PLAC1: variants seen among roughly 807,000 people sequenced by gnomAD.
PLAC1 encodes the protein placenta-specific protein 1.
For synonymous variants in PLAC1, 68 were observed against 62.1 expected (o/e 1.09, Z -0.44); for missense variants, 136 against 163.2 (o/e 0.83, Z 0.91).
chrX:134,641,870 A>T (rs760919410), intron 1 of PLAC1, among the ~76,000 whole-genome samples: 1 of 112,376 alleles, frequency 8.9e-6, no homozygotes, highest in African/African-American at 3.2e-5. Context: ...CCTCCTGGAC[A>T]CAAGTAATAA....
intron 2 of PLAC1, among the ~76,000 whole-genome samples, 172 bp from the exon 3 acceptor site, chrX:134,566,912 G>A (rs1310135700): frequency 1.8e-5 from 2 of 112,423 alleles, no homozygotes; most frequent in South Asian, 7.3e-4. Context: ...GTTTATGGAC[G>A]ATTACAATGG....
chrX:134,637,590 G>A (rs1418157729), intron 1 of PLAC1, among the ~76,000 whole-genome samples: 2 of 111,858 alleles, frequency 1.8e-5, no homozygotes, highest in African/African-American at 6.5e-5. Flanking sequence ...GCTCATACCT[G>A]TAATCCCAGC....
intron 1 of PLAC1, among the ~76,000 whole-genome samples, chrX:134,746,101 A>C (rs899734648): frequency 2.7e-5 from 3 of 112,413 alleles, no homozygotes; most frequent in African/African-American, 9.7e-5. Flanking sequence ...AGGATAACAC[A>C]CATTGACATA....
chrX:134,749,095 T>C (rs2078735551), intron 1 of PLAC1, among the ~76,000 whole-genome samples: 1 of 111,597 alleles, frequency 9.0e-6, no homozygotes, highest in African/African-American at 3.3e-5. Context: ...GGCAGGAGGC[T>C]CACTTGAGCC....
intron 2 of PLAC1, among the ~76,000 whole-genome samples, chrX:134,725,772 C>T (rs1270261115): frequency 4.5e-5 from 5 of 111,677 alleles, no homozygotes; most frequent in African/African-American, 6.5e-5. Flanking sequence ...GTGGGCGGAT[C>T]GATCACCTGA....
intron 1 of PLAC1, among the ~76,000 whole-genome samples, chrX:134,617,894 A>C (rs2078192346): frequency 8.9e-6 from 1 of 112,188 alleles, no homozygotes; most frequent in African/African-American, 3.2e-5. Context: ...AAGTCCTTAA[A>C]ACTTCTGGAC....
rs369815244 is a variant in PLAC1, at chrX:134,597,125, T to C, written c.-59+4926A>G. 1.4e-4 allele frequency among the ~76,000 whole-genome samples: 16 copies of C among 111,518 alleles called. No individual in the cohort carries two copies. The South Asian group carries it at 6.1e-3, about 42-fold the overall frequency. ...TCCTCCTCTCATCCCAGGACTCCAA[T>C]GACATGAATGTTATATCTTTTGTAA... On this transcript the variant is annotated intron_variant, in intron 2 of 2. Coordinates refer to ENST00000359237, the MANE Select transcript of PLAC1 (RefSeq NM_021796.4).
upstream of PLAC1, among the ~76,000 whole-genome samples, chrX:134,661,130 A>C: frequency 9.0e-6 from 1 of 110,858 alleles, no homozygotes; most frequent in Non-Finnish European, 1.9e-5. Flanking sequence ...AGGGTGTTCT[A>C]CTTCTTTTTG....
At chrX:134,644,526 G>A (rs1217487887) in intron 1 of PLAC1, among the ~76,000 whole-genome samples, 1 of 110,026 alleles carries the variant, frequency 9.1e-6, no homozygotes, top group East Asian at 2.9e-4. Context: ...GTGGTTTGCT[G>A]CACCTATTAA....
intron 2 of PLAC1, among the ~76,000 whole-genome samples, chrX:134,731,629 G>A (rs2078689168): frequency 9.0e-6 from 1 of 111,656 alleles, no homozygotes; most frequent in Non-Finnish European, 1.9e-5. Flanking sequence ...GTAGAGCAGA[G>A]AGATTGGCAC....
intron 1 of PLAC1, among the ~76,000 whole-genome samples, chrX:134,632,694 A>G (rs942176480): frequency 9.8e-5 from 11 of 112,046 alleles, no homozygotes; most frequent in Non-Finnish European, 1.5e-4. Context: ...ATATGCATCA[A>G]CCAGATGTAA....
chrX:134,593,102 C>T (rs1173862822), intron 2 of PLAC1, among the ~76,000 whole-genome samples: 1 of 111,853 alleles, frequency 8.9e-6, no homozygotes, highest in African/African-American at 3.2e-5. Context: ...TCTGGAGAAC[C>T]GTGACTACTA....
chrX:134,675,612 C>G (rs1182683797), intron 2 of PLAC1, among the ~76,000 whole-genome samples: 1 of 110,042 alleles, frequency 9.1e-6, no homozygotes, highest in Non-Finnish European at 1.9e-5. Flanking sequence ...TTGTGGTGAG[C>G]CAAGTTTGTG....
intron 2 of PLAC1, among the ~76,000 whole-genome samples, chrX:134,574,728 A>G (rs1245096254): frequency 1.8e-5 from 2 of 111,464 alleles, no homozygotes; most frequent in Non-Finnish European, 3.8e-5. Flanking sequence ...TGGCCTTTAC[A>G]TGGGAGGAAA....
intron 1 of PLAC1, among the ~76,000 whole-genome samples, chrX:134,632,834 G>A (rs2078268419): frequency 9.0e-6 from 1 of 111,359 alleles, no homozygotes; most frequent in East Asian, 2.8e-4. Context: ...AACCAGTGTT[G>A]AGGGGAGGCT....
chrX:134,650,027 G>A (rs748989281), intron 1 of PLAC1, among the ~76,000 whole-genome samples: 1 of 111,924 alleles, frequency 8.9e-6, no homozygotes, highest in East Asian at 2.8e-4. Context: ...CCTGGAGGAA[G>A]GAATGCTACA....
chrX:134,583,268 T>G (rs2077983303), intron 2 of PLAC1, among the ~76,000 whole-genome samples: 1 of 111,105 alleles, frequency 9.0e-6, no homozygotes, highest in African/African-American at 3.3e-5. Flanking sequence ...TGTTTTAATT[T>G]TTTTGTAGAG....
intron 2 of PLAC1, among the ~76,000 whole-genome samples, chrX:134,586,839 T>TTGTATGTG (rs2078004596): frequency 2.6e-5 from 2 of 76,653 alleles, no homozygotes; most frequent in Non-Finnish European, 5.0e-5. Flanking sequence ...CCCAGCTAAT[T>TTGTATGTG]TGTGTGTGTG....
chrX:134,668,320 G>A (rs990835179), intron 2 of PLAC1, among the ~76,000 whole-genome samples: 1 of 112,469 alleles, frequency 8.9e-6, no homozygotes, highest in African/African-American at 3.2e-5. Flanking sequence ...GCCAGAGGAT[G>A]GAGTGGGGAG....
Sources: allele counts gnomAD v4.1 joint callset (sites outside exome capture counted in the v4.1 genomes callset), GRCh38; gene constraint gnomAD v4.1.1; transcripts MANE v1.5; gene names NCBI Gene and HGNC (gene_info 2026-07-23, HGNC 2026-07-21).